Variants in PITPNM3 observed in about 807,000 individuals in gnomAD.
PITPNM3 encodes membrane-associated phosphatidylinositol transfer protein 3.
In PITPNM3, 26 loss-of-function variants were observed where a neutral mutation model predicts 102.0. That is an observed-to-expected ratio of 0.25 (90% CI 0.19 to 0.35). PITPNM3 has a LOEUF of 0.35. PITPNM3 is among the 10% of genes least tolerant of loss of function. The probability of loss-of-function intolerance (pLI) is 1.00; values close to 1 mark genes in which losing one functional copy is unlikely to be tolerated. For missense variants in PITPNM3, 1,083 were observed against 1,346.1 expected, an observed-to-expected ratio of 0.80 and a Z score of 3.06; for synonymous variants, 578 against 558.6, an observed-to-expected ratio of 1.03 and a Z score of -0.49.
At position 6,483,691 on chromosome 17, in the gene PITPNM3, T is replaced by C. The variant is rs1260071809; in HGVS notation, c.413A>G (p.Asn138Ser). 5 of 1,613,826 alleles carry C rather than the reference T, an allele frequency of 3.1e-6. No homozygotes were observed. Among genetic ancestry groups the C allele is most frequent in the South Asian group, 1.1e-5 (1 of 91,078 alleles). Residue 138 changes from asparagine to serine, a missense_variant, in exon 6 of 20, where the codon AAC (asparagine) becomes AGC (serine). Transcript: ENST00000262483. Reference protein sequence around the residue: ...HVLLLVLHGGNILDTGAGDPS... With the variant: ...HVLLLVLHGGSILDTGAGDPS... ...GTCCCCGGCACCCGTGTCCAGGATG[T>C]TTCCCCCATGCAGGACCAGCAGGAG...
Position 6,543,384 on chromosome 17 carries a change from G to A in PITPNM3, c.23-5302C>T, listed in dbSNP as rs187584595. ...CAGACAGGCAGACAGATGGACAGGC[G>A]TCTCCTATGTGTGTTCTGCTCTATA... On this transcript the variant is annotated intron_variant, in intron 1 of 19. Coordinates refer to ENST00000262483, the MANE Select transcript of PITPNM3 (RefSeq NM_031220.4). 7.2e-3 allele frequency among the ~76,000 whole-genome samples: 1,103 copies of A among 152,304 alleles called. 12 individuals carry two copies. The highest frequency in any genetic ancestry group is 0.024 in the African/African-American group (1,002 of 41,570).
At position 6,453,769 on chromosome 17, in the gene PITPNM3, A is replaced by G. The variant is rs1046916119; in HGVS notation, c.*1569T>C. On this transcript the variant is annotated 3_prime_UTR_variant, in exon 20 of 20. Transcript: ENST00000262483. The stretch of plus-strand genomic sequence containing the variant: ...TGAGCAGAAGCGACACTGAGCTGAC[A>G]CAGGTGCCTGCTGTGTATACAGACG... 6.6e-6 allele frequency: 1 copy of G among 152,330 alleles called. No individual in the cohort carries two copies. The highest frequency in any genetic ancestry group is 2.4e-5 in the African/African-American group (1 of 41,472). The allele number at this position is 152,330 out of a possible 1,614,324, so 9.4% of individuals were successfully genotyped here.
intron 6 of PITPNM3, chr17:6,479,315 G>A (rs1026435620): frequency 1.3e-5 from 2 of 153,916 alleles, no homozygotes; most frequent in Non-Finnish European, 2.9e-5. Flanking sequence ...AAAGTTCTGT[G>A]ACCCCCGAGG....
Position 6,453,562 on chromosome 17 carries a change from G to C in PITPNM3, c.*1776C>G, listed in dbSNP as rs1206987908. ...AGTGCAGGATGCAGCACTGGAAGTA[G>C]AGCAGAAGAGCTGGCAGACTGAAGA... is the stretch of plus-strand genomic sequence containing the variant. On this transcript the variant is annotated 3_prime_UTR_variant, in exon 20 of 20. Coordinates refer to ENST00000262483, the MANE Select transcript of PITPNM3 (RefSeq NM_031220.4). The C allele has an allele frequency of 6.6e-6, 1 of 152,556 alleles. No homozygotes were observed. Among genetic ancestry groups the C allele is most frequent in the Non-Finnish European group, 1.5e-5 (1 of 68,274 alleles). The allele number at this position is 152,556 out of a possible 1,614,324, so 9.5% of individuals were successfully genotyped here. A position where few individuals can be genotyped will look rare whatever the true frequency, so the allele number is the denominator to read the frequency against.
At chr17:6,493,656 G>A (rs1174621455) in intron 4 of PITPNM3, among the ~76,000 whole-genome samples, 2 of 152,176 alleles carry the variant, frequency 1.3e-5, no homozygotes, top group African/African-American at 4.8e-5. Flanking sequence ...ACTCCTTAAC[G>A]CTTTCAGGGT....
chr17:6,534,806 C>T (rs775876065), intron 2 of PITPNM3, among the ~76,000 whole-genome samples: 17 of 151,964 alleles, frequency 1.1e-4, no homozygotes, highest in Non-Finnish European at 1.9e-4. Flanking sequence ...TGGGGGATCA[C>T]GACGGCGGTT....
chr17:6,464,035 C>T, intron 16 of PITPNM3, 135 bp downstream of exon 16: 2 of 1,543,820 alleles, frequency 1.3e-6, no homozygotes, highest in Admixed American at 3.5e-5. Flanking sequence ...GGTGACCTCT[C>T]CCATCCACCT....
intron 3 of PITPNM3, among the ~76,000 whole-genome samples, chr17:6,508,772 T>C (rs899799274): frequency 1.3e-5 from 2 of 152,116 alleles, no homozygotes; most frequent in Admixed American, 6.5e-5. Flanking sequence ...GGAATAAGCC[T>C]GCTGTTTGAT....
At chr17:6,535,658 C>T (rs1041168522) in intron 2 of PITPNM3, among the ~76,000 whole-genome samples, 18 of 152,178 alleles carry the variant, frequency 1.2e-4, no homozygotes, top group Non-Finnish European at 1.9e-4. Flanking sequence ...GTGGCTCACA[C>T]CTGTAATCCC....
At chr17:6,554,155 A>G (rs1910467896) in intron 1 of PITPNM3, among the ~76,000 whole-genome samples, 1 of 151,856 alleles carries the variant, frequency 6.6e-6, no homozygotes, top group Non-Finnish European at 1.5e-5. Flanking sequence ...CTTCGTCTCT[A>G]CTAAAAATAC....
intron 15 of PITPNM3, 64 bp from the exon 16 acceptor site, chr17:6,464,382 G>T: frequency 6.4e-7 from 1 of 1,556,048 alleles, no homozygotes; most frequent in Non-Finnish European, 8.8e-7. Flanking sequence ...TGGCAGAGGG[G>T]CTGGGCGGGG....
intron 4 of PITPNM3, among the ~76,000 whole-genome samples, chr17:6,499,361 A>G (rs1907032732): frequency 6.6e-6 from 1 of 152,208 alleles, no homozygotes; most frequent in Non-Finnish European, 1.5e-5. Context: ...TGAGAGGCCC[A>G]TGGAGACCTC....
Position 6,468,644 on chromosome 17 carries a change from G to A in PITPNM3, c.1774-303C>T, listed in dbSNP as rs906434745. Among the ~76,000 whole-genome samples the A allele has an allele frequency of 6.6e-6, 1 of 152,136 alleles. No homozygotes were observed. Among genetic ancestry groups the A allele is most frequent in the Non-Finnish European group, 1.5e-5 (1 of 68,018 alleles). ...TGCCCTCCCTCTGTTACAACAAGGT[G>A]GCCCTTTCTTAAGGCCGGCTTGAGT... On this transcript the variant is annotated intron_variant, in intron 13 of 19. Transcript: ENST00000262483. This position sits in a 1 kb window ranked among gnomAD's most constrained non-coding sequence, Gnocchi z 5.2.
chr17:6,476,159 G>T (rs935209997), intron 9 of PITPNM3, among the ~76,000 whole-genome samples: 4 of 151,894 alleles, frequency 2.6e-5, no homozygotes, highest in African/African-American at 7.2e-5. Flanking sequence ...AATATAAAGG[G>T]TTTTTTTAAA....
chr17:6,525,947 G>T (rs190913685), intron 2 of PITPNM3, among the ~76,000 whole-genome samples: 3 of 152,214 alleles, frequency 2.0e-5, no homozygotes, highest in African/African-American at 7.2e-5. Context: ...TCATAGATGA[G>T]AGCAATCATG....
At position 6,451,892 on chromosome 17, in the gene PITPNM3, C is replaced by CCCCA. The variant is rs55984944; in HGVS notation, c.*3445_*3446insTGGG. The CCCCA allele has an allele frequency of 2.3e-3, 217 of 94,414 alleles. No individual in the cohort carries two copies. The highest frequency in any genetic ancestry group is 2.7e-3 in the Admixed American group (21 of 7,900). 5.8% of individuals were successfully genotyped at this position (94,414 alleles called of 1,614,324 possible). A position where few individuals can be genotyped will look rare whatever the true frequency, so the allele number is the denominator to read the frequency against. On this transcript the variant is annotated 3_prime_UTR_variant, in exon 20 of 20. Transcript: ENST00000262483. ...ACCCAAACCCCCCCCCCCCGCCCGCCGATGGGATTCGGTGGGAAAGTTGGT... is the reference window on the plus strand; with the variant it reads ...ACCCAAACCCCCCCCCCCCGCCCGCCCCCAGATGGGATTCGGTGGGAAAGTTGGT...
chr17:6,531,525 A>C lies in PITPNM3; in HGVS notation c.119-6062T>G, dbSNP rs140521887. ...CCAGCAATCTTCATCCCTCACAATA[A>C]GGAGCTCACTCAAGGTCCAGGCATG... On this transcript the variant is annotated intron_variant, in intron 2 of 19. Transcript: ENST00000262483. Among the ~76,000 whole-genome samples the C allele has an allele frequency of 6.6e-5, 10 of 152,314 alleles. No individual in the cohort carries two copies. The East Asian group carries it at 1.5e-3, about 24-fold the overall frequency.
At chr17:6,498,003 T>C (rs1385225787) in intron 4 of PITPNM3, among the ~76,000 whole-genome samples, 1 of 152,106 alleles carries the variant, frequency 6.6e-6, no homozygotes, top group Non-Finnish European at 1.5e-5. Context: ...TCATGCCTCC[T>C]CCCACCGGAC....
Position 6,471,359 on chromosome 17 carries a change from G to T in PITPNM3, c.1430-4C>A. On this transcript the variant is annotated splice_region_variant and splice_polypyrimidine_tract_variant and intron_variant, in intron 11 of 19. Coordinates refer to ENST00000262483, the MANE Select transcript of PITPNM3 (RefSeq NM_031220.4). ...CTGTGGGTGTGTAGGGCATCAGCTGGAGGGGGAATTTCAAGGTCAGGCTGA... is the reference window on the plus strand; with the variant it reads ...CTGTGGGTGTGTAGGGCATCAGCTGTAGGGGGAATTTCAAGGTCAGGCTGA... The T allele has an allele frequency of 6.3e-7, 1 of 1,582,162 alleles. No individual in the cohort carries two copies. Among genetic ancestry groups the T allele is most frequent in the South Asian group, 1.1e-5 (1 of 88,876 alleles).
Sources: gnomAD v4.1 joint callset for allele counts (sites outside exome capture counted in the v4.1 genomes callset) on GRCh38, gnomAD v4.1.1 for gene constraint, Gnocchi (gnomAD v3.1) non-coding constraint, MANE v1.5 for transcripts, NCBI Gene and HGNC (gene_info 2026-07-23, HGNC 2026-07-21) for gene names.